Variants in SELP observed in about 807,000 individuals in gnomAD.
SELP encodes selectin P.
In SELP, 92 loss-of-function variants were observed where a neutral mutation model predicts 104.1. That is an observed-to-expected ratio of 0.88 (90% CI 0.75 to 1.05). The LOEUF (loss-of-function observed/expected upper bound fraction) is 1.05. Among genes scored for constraint, SELP ranks in the 50% least tolerant of loss-of-function variants. SELP has a pLI of 0.00. For missense variants in SELP, 1,022 were observed against 1,017.3 expected (o/e 1.00, Z -0.06); for synonymous variants, 397 against 364.5 (o/e 1.09, Z -1.01).
At chr1:169,603,426 T>C (rs945624457) in intron 9 of SELP, among the ~76,000 whole-genome samples, 2 of 151,746 alleles carry the variant, frequency 1.3e-5, no homozygotes, top group African/African-American at 4.8e-5. Context: ...TTAGAGATTG[T>C]AGAGGTGTAA....
chr1:169,608,029 G>T (rs530787993), intron 8 of SELP, among the ~76,000 whole-genome samples: 1 of 152,146 alleles, frequency 6.6e-6, no homozygotes, highest in South Asian at 2.1e-4. Flanking sequence ...TTTTAAGTGT[G>T]TCAAAGAGCT....
At chr1:169,612,521 T>C in intron 5 of SELP, 119 bp from the exon 6 acceptor site, 1 of 867,992 alleles carries the variant, frequency 1.2e-6, no homozygotes, top group South Asian at 1.6e-5. Flanking sequence ...GTTGATGCAC[T>C]AGAATGGTTA....
In SELP at chr1:169,618,983, G is replaced by A. The variant is rs3917697; in HGVS notation, c.94+146C>T. The A allele has an allele frequency of 7.9e-4, 475 of 602,984 alleles. 2 individuals carry two copies. In the African/African-American group the frequency reaches 8.0e-3, roughly 10 times the overall value. 37.4% of individuals were successfully genotyped at this position (602,984 alleles called of 1,614,324 possible). Reference sequence around the variant, plus strand: ...CCCTTTCTACCAATATGATGGCGTTGGGTACATTTGTCTTCCAGCAATCTG... The same window carrying A: ...CCCTTTCTACCAATATGATGGCGTTAGGTACATTTGTCTTCCAGCAATCTG... On this transcript the variant is annotated intron_variant, in intron 2 of 16. Transcript: ENST00000263686.
chr1:169,626,296 C>T (rs769568764), intron 1 of SELP, among the ~76,000 whole-genome samples: 11 of 152,096 alleles, frequency 7.2e-5, no homozygotes, highest in Non-Finnish European at 1.2e-4. Flanking sequence ...GATAAGCCAA[C>T]GGAAGCTGGG....
rs779715759 is a variant in SELP at position 169,596,074 on chromosome 1, C to G, written c.1952G>C (p.Gly651Ala). The change falls in exon 12 of 17, where the codon GGA becomes GCA. Residue 651 changes from glycine to alanine, a missense_variant. Coordinates refer to ENST00000263686, the MANE Select transcript of SELP (RefSeq NM_003005.4). ...CGGATGATGCCTACAGTACATGGTT[C>G]CCTGCCCAGGAGTGGTGAGGGCTGG... is the stretch of plus-strand genomic sequence containing the variant. ...QCPALTTPGQ[G>A]TMYCRHHPGT... The G allele has an allele frequency of 6.2e-7, 1 of 1,613,876 alleles. No homozygotes were observed. Among genetic ancestry groups the G allele is most frequent in the Non-Finnish European group, 8.5e-7 (1 of 1,179,848 alleles).
At chr1:169,626,573 C>A (rs529855602) in intron 1 of SELP, among the ~76,000 whole-genome samples, 1 of 152,272 alleles carries the variant, frequency 6.6e-6, no homozygotes, top group South Asian at 2.1e-4. Context: ...ATTGGGAGAT[C>A]CTAGAGGTTA....
Position 169,595,939 on chromosome 1 carries a change from G to A in SELP, c.2087C>T (p.Thr696Ile), listed in dbSNP as rs1466641630. 1 of 1,613,626 alleles carries A rather than the reference G, an allele frequency of 6.2e-7. No individual in the cohort carries two copies. The highest frequency in any genetic ancestry group is 8.5e-7 in the Non-Finnish European group (1 of 1,179,734). The change falls in exon 12 of 17, where the codon ACT becomes ATT. Residue 696 changes from threonine to isoleucine, a missense_variant. Transcript: ENST00000263686. ...TTTCACCTTACCTCTGCATGCTGGA[G>A]TTACTGCTGTCCATTGTCCTGAAGG... The part of the protein sequence containing the change: ...CRPSGQWTAV[T>I]PACRAVKCSE...
chr1:169,603,796 G>T (rs2101887521), intron 9 of SELP, among the ~76,000 whole-genome samples: 1 of 152,214 alleles, frequency 6.6e-6, no homozygotes, highest in East Asian at 1.9e-4. Context: ...TCTTCGAAAT[G>T]GGAAAAAGGA....
intron 7 of SELP, among the ~76,000 whole-genome samples, chr1:169,610,585 T>C (rs1483478297): frequency 6.6e-6 from 1 of 152,122 alleles, no homozygotes; most frequent in Non-Finnish European, 1.5e-5. Context: ...TCACTTGAGG[T>C]CGGGAGTTTG....
intron 8 of SELP, among the ~76,000 whole-genome samples, chr1:169,608,651 G>C (rs914517552): frequency 6.6e-6 from 1 of 152,062 alleles, no homozygotes; most frequent in African/African-American, 2.4e-5. Context: ...TTTAACTGTT[G>C]TGATTAATAG....
At chr1:169,621,741 A>T (rs1046729016) in intron 1 of SELP, among the ~76,000 whole-genome samples, 8 of 152,194 alleles carry the variant, frequency 5.3e-5, no homozygotes, top group Admixed American at 4.6e-4. Flanking sequence ...TAAGCTGCTG[A>T]TCTCTGCAGG....
intron 10 of SELP, 85 bp from the exon 11 acceptor site, chr1:169,597,261 A>G: frequency 1.6e-6 from 2 of 1,217,530 alleles, no homozygotes; most frequent in Non-Finnish European, 2.2e-6. Context: ...TTATATATTC[A>G]AAAAATATTT....
At chr1:169,591,208 T>C (rs1333569766) in intron 15 of SELP, among the ~76,000 whole-genome samples, 1 of 152,214 alleles carries the variant, frequency 6.6e-6, no homozygotes, top group African/African-American at 2.4e-5. Context: ...TTTTTGCATC[T>C]TGTTTTTATT....
At chr1:169,607,239 G>T in intron 8 of SELP, 105 bp from the exon 9 acceptor site, 1 of 930,962 alleles carries the variant, frequency 1.1e-6, no homozygotes, top group Non-Finnish European at 1.5e-6. Flanking sequence ...TTCCTGAATT[G>T]GGCTTGTTTA....
chr1:169,600,495 A>G (rs3917781), intron 10 of SELP, among the ~76,000 whole-genome samples: 2,608 of 152,266 alleles, frequency 0.017, 65 homozygotes, highest in African/African-American at 0.054. Flanking sequence ...CTGAGGAACA[A>G]CTAGGCAGAG....
rs755085593 is a variant in SELP, at chr1:169,606,942, C to T, written c.1519+7G>A. On this transcript the variant is annotated splice_region_variant and intron_variant, in intron 9 of 16. Coordinates refer to ENST00000263686, the MANE Select transcript of SELP (RefSeq NM_003005.4). ...TTTCCATGATGTTAGAAAGAATACACTCTTACCTTGGCATTCTGGAGGAAC... is the reference window on the plus strand; with the variant it reads ...TTTCCATGATGTTAGAAAGAATACATTCTTACCTTGGCATTCTGGAGGAAC... 13 of 1,612,004 alleles carry T rather than the reference C, an allele frequency of 8.1e-6. No individual in the cohort carries two copies. Among genetic ancestry groups the T allele is most frequent in the Non-Finnish European group, 1.1e-5 (13 of 1,178,920 alleles).
rs745560052 is a variant in SELP, at chr1:169,609,611, T to A, written c.1226A>T (p.Asp409Val). The A allele has an allele frequency of 2.5e-6, 4 of 1,613,910 alleles. No individual in the cohort carries two copies. In the Admixed American group the frequency reaches 5.0e-5, roughly 20 times the overall value. Residue 409 changes from aspartate (D) to valine (V), a missense_variant, in exon 8 of 17, where the codon GAC (aspartate) becomes GTC (valine). Coordinates refer to ENST00000263686, the MANE Select transcript of SELP (RefSeq NM_003005.4). The part of the protein sequence containing the change: ...CSPSLRAFQY[D>V]TNCSFRCAEG... ...AGCACAGCGGAAGCTACAGTTGGTG[T>A]CATACTGAAACGCTCTCAAGGATGG...
intron 16 of SELP, 46 bp downstream of exon 16, chr1:169,590,101 C>T (rs1417687974): frequency 1.6e-6 from 2 of 1,280,452 alleles, no homozygotes; most frequent in Admixed American, 3.6e-5. Flanking sequence ...TTCCATTTTT[C>T]CCTAGTGTTC....
chr1:169,590,585 A>ATC (rs59221556), intron 15 of SELP, among the ~76,000 whole-genome samples: 7 of 151,416 alleles, frequency 4.6e-5, no homozygotes, highest in African/African-American at 1.5e-4. Flanking sequence ...TTTTATAACC[A>ATC]AGAGTTCTTC....
Sources: gnomAD v4.1 joint callset for allele counts (sites outside exome capture counted in the v4.1 genomes callset) on GRCh38, gnomAD v4.1.1 for gene constraint, MANE v1.5 for transcripts, NCBI Gene and HGNC (gene_info 2026-07-23, HGNC 2026-07-21) for gene names.